The following ASB18 variants were observed in gnomAD, a reference collection of about 807,000 sequenced individuals.
The protein encoded by ASB18 is ankyrin repeat and SOCS box containing 18.
ASB18 carries 33 observed loss-of-function variants against 33.4 expected under a neutral mutation model. The ratio of observed to expected loss-of-function variants is 0.99; its 90% CI spans 0.75 to 1.32. The LOEUF is 1.32. ASB18 is among the 40% of genes most tolerant of loss of function. The pLI is 0.00. For synonymous variants in ASB18, 295 were observed against 307.6 expected, an observed-to-expected ratio of 0.96 and a Z score of 0.43; for missense variants, 694 against 655.5, an observed-to-expected ratio of 1.06 and a Z score of -0.64.
chr2:236,258,433 T>C (rs2060703190), intron 1 of ASB18, among the ~76,000 whole-genome samples: 1 of 152,162 alleles, frequency 6.6e-6, no homozygotes. Flanking sequence ...AGAAACTGGG[T>C]CCCCTTCCTC....
chr2:236,263,320 C>A lies in ASB18; in HGVS notation c.205+821G>T, dbSNP rs1354001596. On this transcript the variant is annotated intron_variant, in intron 1 of 5. Transcript: ENST00000409749. The surrounding 1 kb of genome is among the most constrained non-coding windows in gnomAD (Gnocchi z 4.0). The stretch of plus-strand genomic sequence containing the variant: ...TAGACAGGTCTTGCACCTGATGAGG[C>A]CTACAAAGAAAAAATCCTATGGACA... Among the ~76,000 whole-genome samples the A allele has an allele frequency of 6.6e-6, 1 of 152,130 alleles. No individual in the cohort carries two copies.
chr2:236,234,558 T>C lies in ASB18; in HGVS notation c.596+3131A>G, dbSNP rs1362953617. On this transcript the variant is annotated intron_variant, in intron 3 of 5. Coordinates refer to ENST00000409749, the MANE Select transcript of ASB18 (RefSeq NM_212556.4). The surrounding 1 kb of genome is among the most constrained non-coding windows in gnomAD (Gnocchi z 4.1). ...CTCACGTCTTCACCAGGTGAACCAGTCAGACTTTGCCCTGCTTTGCACATG... is the reference window on the plus strand; with the variant it reads ...CTCACGTCTTCACCAGGTGAACCAGCCAGACTTTGCCCTGCTTTGCACATG... Among the ~76,000 whole-genome samples, 1 of 152,188 alleles carries C rather than the reference T, an allele frequency of 6.6e-6. No individual in the cohort carries two copies. The highest frequency in any genetic ancestry group is 2.4e-5 in the African/African-American group (1 of 41,454).
In ASB18 at chr2:236,249,592, T is replaced by C. The variant is rs1272132970; in HGVS notation, c.206-8190A>G. 1 of 152,210 alleles carries C rather than the reference T, an allele frequency of 6.6e-6. No homozygotes were observed. The highest frequency in any genetic ancestry group is 1.9e-4 in the East Asian group (1 of 5,198). 9.4% of individuals were successfully genotyped at this position (152,210 alleles called of 1,614,324 possible). On this transcript the variant is annotated intron_variant, in intron 1 of 5. Coordinates refer to ENST00000409749, the MANE Select transcript of ASB18 (RefSeq NM_212556.4). This position sits in a 1 kb window ranked among gnomAD's most constrained non-coding sequence, Gnocchi z 4.6. ...CTTCTGAACAAATACAATGCCCTTC[T>C]TGAAAGAGAGGGATTCTGATGAATA...
intron 3 of ASB18, among the ~76,000 whole-genome samples, chr2:236,233,138 T>A (rs1233891264): frequency 6.6e-6 from 1 of 152,132 alleles, no homozygotes; most frequent in Non-Finnish European, 1.5e-5. Context: ...TGGTTTAACA[T>A]TTGAAAATTA....
intron 4 of ASB18, among the ~76,000 whole-genome samples, chr2:236,198,136 C>G (rs2060382995): frequency 6.6e-6 from 1 of 152,150 alleles, no homozygotes; most frequent in Non-Finnish European, 1.5e-5. Flanking sequence ...CCTCCCTTCT[C>G]CACAGCTCCA....
At position 236,225,267 on chromosome 2, in the gene ASB18, G is replaced by T. The variant is rs2060531729; in HGVS notation, c.597-10401C>A. On this transcript the variant is annotated intron_variant, in intron 3 of 5. Transcript: ENST00000409749. This position sits in a 1 kb window ranked among gnomAD's most constrained non-coding sequence, Gnocchi z 5.1. ...CTCCCAAGTAGCTGAGACTACAGTTGTGTGCCACCATGCCTTGCTAATTTT... is the reference window on the plus strand; with the variant it reads ...CTCCCAAGTAGCTGAGACTACAGTTTTGTGCCACCATGCCTTGCTAATTTT... Among the ~76,000 whole-genome samples the T allele has an allele frequency of 6.6e-6, 1 of 151,818 alleles. No individual in the cohort carries two copies. Among genetic ancestry groups the T allele is most frequent in the Non-Finnish European group, 1.5e-5 (1 of 67,968 alleles).
In ASB18 at chr2:236,214,298, C is replaced by G; in HGVS notation, c.1101+64G>C. ...GAGAGCGCCGCATGCAACCCAGCTC[C>G]CAGGCCGGTCACTAAGTGGCAAAAC... On this transcript the variant is annotated intron_variant, in intron 4 of 5. Coordinates refer to ENST00000409749, the MANE Select transcript of ASB18 (RefSeq NM_212556.4). The surrounding 1 kb of genome is among the most constrained non-coding windows in gnomAD (Gnocchi z 6.5). 6.6e-7 allele frequency: 1 copy of G among 1,513,972 alleles called. No individual in the cohort carries two copies. The highest frequency in any genetic ancestry group is 1.4e-5 in the African/African-American group (1 of 71,348). 93.8% of individuals were successfully genotyped at this position (1,513,972 alleles called of 1,614,324 possible). A position where few individuals can be genotyped will look rare whatever the true frequency, so the allele number is the denominator to read the frequency against.
chr2:236,230,646 G>C (rs2060559913), intron 3 of ASB18, among the ~76,000 whole-genome samples: 1 of 151,526 alleles, frequency 6.6e-6, no homozygotes, highest in Admixed American at 6.6e-5. Flanking sequence ...AAGTAGAATA[G>C]TATTACCTGA....
At position 236,229,785 on chromosome 2, in the gene ASB18, G is replaced by A. The variant is rs1208810483; in HGVS notation, c.596+7904C>T. On this transcript the variant is annotated intron_variant, in intron 3 of 5. Transcript: ENST00000409749. The surrounding 1 kb of genome is among the most constrained non-coding windows in gnomAD (Gnocchi z 5.2). ...GAATCCGGGAAGCAGAGGTTGCAGT[G>A]AGCTGAGATCATGCCACTGCACTCC... Among the ~76,000 whole-genome samples, 1 of 152,146 alleles carries A rather than the reference G, an allele frequency of 6.6e-6. No homozygotes were observed. Among genetic ancestry groups the A allele is most frequent in the Non-Finnish European group, 1.5e-5 (1 of 68,032 alleles).
rs1440532380 is a variant in ASB18 at position 236,222,263 on chromosome 2, G to A, written c.597-7397C>T. Reference sequence around the variant, plus strand: ...GGGATGCTAAGCTATGAGACTATCAGACATAAATGTTTACAATTGAAATGG... The same window carrying A: ...GGGATGCTAAGCTATGAGACTATCAAACATAAATGTTTACAATTGAAATGG... On this transcript the variant is annotated intron_variant, in intron 3 of 5. Transcript: ENST00000409749. This position sits in a 1 kb window ranked among gnomAD's most constrained non-coding sequence, Gnocchi z 5.5. Among the ~76,000 whole-genome samples the A allele has an allele frequency of 6.6e-6, 1 of 152,126 alleles. No homozygotes were observed. The highest frequency in any genetic ancestry group is 1.5e-5 in the Non-Finnish European group (1 of 68,032).
rs901126036 is a variant in ASB18, at chr2:236,229,709, C to T, written c.596+7980G>A. 1.3e-5 allele frequency among the ~76,000 whole-genome samples: 2 copies of T among 152,036 alleles called. No homozygotes were observed. ...ATACAAAAATTAGCTGGTGTGGTGG[C>T]ATGCACCTGTAATCCCAGCTATCTG... On this transcript the variant is annotated intron_variant, in intron 3 of 5. Coordinates refer to ENST00000409749, the MANE Select transcript of ASB18 (RefSeq NM_212556.4). This position sits in a 1 kb window ranked among gnomAD's most constrained non-coding sequence, Gnocchi z 5.2.
At chr2:236,212,779 C>T (rs1342495167) in intron 4 of ASB18, among the ~76,000 whole-genome samples, 2 of 152,144 alleles carry the variant, frequency 1.3e-5, no homozygotes, top group African/African-American at 4.8e-5. Context: ...TGCATGCCAC[C>T]AGGCCCTGCT....
chr2:236,246,575 A>T (rs1044737372), intron 1 of ASB18, among the ~76,000 whole-genome samples: 3 of 152,044 alleles, frequency 2.0e-5, no homozygotes, highest in African/African-American at 7.2e-5. Context: ...TGCATCAGTA[A>T]AGAAGAAATA....
In ASB18 at chr2:236,217,424, A is replaced by AATAAT. The variant is rs1553600512; in HGVS notation, c.597-2559_597-2558insATTAT. ...CGAGACTCTGTCTCAAAAAAAAAAAAAAATAAATCTTGGCACCTTCAACTC... is the reference window on the plus strand; with the variant it reads ...CGAGACTCTGTCTCAAAAAAAAAAAAATAATAAATAAATCTTGGCACCTTCAACTC... On this transcript the variant is annotated intron_variant, in intron 3 of 5. Transcript: ENST00000409749. This position sits in a 1 kb window ranked among gnomAD's most constrained non-coding sequence, Gnocchi z 5.2. Among the ~76,000 whole-genome samples, 318 of 150,396 alleles carry AATAAT rather than the reference A, an allele frequency of 2.1e-3. 1 individual carries two copies. The highest frequency in any genetic ancestry group is 7.3e-3 in the African/African-American group (294 of 40,516).
Position 236,264,379 on chromosome 2 carries a change from T to C in ASB18, c.-34A>G, listed in dbSNP as rs1172106593. On this transcript the variant is annotated 5_prime_UTR_variant, in exon 1 of 6. Transcript: ENST00000409749. This position sits in a 1 kb window ranked among gnomAD's most constrained non-coding sequence, Gnocchi z 5.1. ...CGTTTCTGCAGTGACCAGCCCTTCT[T>C]TTCTTCCTCTAAAGCGACTCCAAAG... 6 of 1,596,098 alleles carry C rather than the reference T, an allele frequency of 3.8e-6. No individual in the cohort carries two copies. Among genetic ancestry groups the C allele is most frequent in the Non-Finnish European group, 5.2e-6 (6 of 1,164,036 alleles).
intron 1 of ASB18, among the ~76,000 whole-genome samples, chr2:236,258,840 A>G (rs2060705028): frequency 6.6e-6 from 1 of 152,214 alleles, no homozygotes; most frequent in Non-Finnish European, 1.5e-5. Flanking sequence ...GTGCTTAAAT[A>G]CTATTACCCC....
rs1281283131 is a variant in ASB18 at position 236,259,374 on chromosome 2, G to A, written c.205+4767C>T. ...TGCTAGGCTCTGGATATAATCGAGT[G>A]TTAGGCGAGGTTCTGGCCCTAGAAG... On this transcript the variant is annotated intron_variant, in intron 1 of 5. Transcript: ENST00000409749. This position sits in a 1 kb window ranked among gnomAD's most constrained non-coding sequence, Gnocchi z 4.4. 2.6e-6 allele frequency: 1 copy of A among 387,944 alleles called. No individual in the cohort carries two copies. The highest frequency in any genetic ancestry group is 5.4e-6 in the Non-Finnish European group (1 of 186,786). 24.0% of individuals were successfully genotyped at this position (387,944 alleles called of 1,614,324 possible). A position where few individuals can be genotyped will look rare whatever the true frequency, so the allele number is the denominator to read the frequency against.
chr2:236,254,591 T>G (rs2060683391), intron 1 of ASB18, among the ~76,000 whole-genome samples: 1 of 152,138 alleles, frequency 6.6e-6, no homozygotes, highest in Non-Finnish European at 1.5e-5. Context: ...TTGTGTATGT[T>G]AAACCTTTTA....
chr2:236,221,442 G>A lies in ASB18; in HGVS notation c.597-6576C>T, dbSNP rs1259193235. 1.3e-5 allele frequency among the ~76,000 whole-genome samples: 2 copies of A among 152,118 alleles called. No individual in the cohort carries two copies. The highest frequency in any genetic ancestry group is 4.8e-5 in the African/African-American group (2 of 41,426). ...ATGTGTTGTGGGAGGGACCCGGTGGGAGATAATTGAATCATGGGGGTGGTT... is the reference window on the plus strand; with the variant it reads ...ATGTGTTGTGGGAGGGACCCGGTGGAAGATAATTGAATCATGGGGGTGGTT... On this transcript the variant is annotated intron_variant, in intron 3 of 5. Transcript: ENST00000409749. This position sits in a 1 kb window ranked among gnomAD's most constrained non-coding sequence, Gnocchi z 5.6.
Sources: gnomAD v4.1 joint callset for allele counts (sites outside exome capture counted in the v4.1 genomes callset) on GRCh38, gnomAD v4.1.1 for gene constraint, Gnocchi (gnomAD v3.1) non-coding constraint, MANE v1.5 for transcripts, NCBI Gene and HGNC (gene_info 2026-07-23, HGNC 2026-07-21) for gene names.